The following FIGN variants were observed in gnomAD, a reference collection of about 807,000 sequenced individuals.
FIGN encodes fidgetin, microtubule severing factor, also known as fidgetin.
A neutral mutation model predicts 51.3 loss-of-function variants in FIGN; 11 were observed. That is an observed-to-expected ratio of 0.21 (90% CI 0.13 to 0.35). The LOEUF is 0.35. Among genes scored for constraint, FIGN ranks in the 10% least tolerant of loss-of-function variants. FIGN has a pLI of 1.00. For missense variants in FIGN, 857 were observed against 943.6 expected, an observed-to-expected ratio of 0.91 and a Z score of 1.20; for synonymous variants, 407 against 363.2, an observed-to-expected ratio of 1.12 and a Z score of -1.37.
chr2:163,668,021 C>CCG (rs1553498971), intron 2 of FIGN, among the ~76,000 whole-genome samples: 35 of 149,652 alleles, frequency 2.3e-4, no homozygotes, highest in African/African-American at 8.3e-4. Context: ...CCAACCCCCC[C>CCG]CCCCAAAAAA....
intron 2 of FIGN, among the ~76,000 whole-genome samples, chr2:163,697,257 C>T (rs1301513516): frequency 3.3e-5 from 5 of 151,766 alleles, no homozygotes; most frequent in African/African-American, 9.7e-5. Context: ...TGAACCACCA[C>T]ACCCAGCTAA....
chr2:163,648,230 A>G (rs938180674), intron 2 of FIGN, among the ~76,000 whole-genome samples: 2 of 152,136 alleles, frequency 1.3e-5, no homozygotes, highest in Admixed American at 6.5e-5. Context: ...GAATTAAAAT[A>G]CAGTACAATT....
chr2:163,645,050 A>G (rs1248452776), intron 2 of FIGN, among the ~76,000 whole-genome samples: 1 of 152,192 alleles, frequency 6.6e-6, no homozygotes, highest in Non-Finnish European at 1.5e-5. Context: ...GAAACTATTG[A>G]ACTGTACACT....
At chr2:163,660,892 T>A (rs1460678458) in intron 2 of FIGN, among the ~76,000 whole-genome samples, 4 of 93,822 alleles carry the variant, frequency 4.3e-5, no homozygotes, top group South Asian at 3.3e-4. Context: ...TTTTTTTTTT[T>A]TTTTTTTTTT....
In FIGN at chr2:163,611,163, T is replaced by C. The variant is rs562275345; in HGVS notation, c.669A>G (p.Pro223=). ...PLHSSGLLQP[P]PPPPPPPALV... ...AGGCTGGTGGCGGAGGAGGTGGTGG[T>C]GGGGGCTGTAGTAGCCCAGAGCTAT... Residue 223 remains proline (P), a synonymous_variant, in exon 3 of 3, where the codon CCA becomes CCG. Transcript: ENST00000333129. 1 of 1,613,994 alleles carries C rather than the reference T, an allele frequency of 6.2e-7. No individual in the cohort carries two copies. The highest frequency in any genetic ancestry group is 1.6e-4 in the Middle Eastern group (1 of 6,062).
intron 2 of FIGN, among the ~76,000 whole-genome samples, chr2:163,686,349 T>G (rs920263751): frequency 6.6e-6 from 1 of 152,214 alleles, no homozygotes; most frequent in Non-Finnish European, 1.5e-5. Context: ...ATTGCCATAA[T>G]GTTGATTAAA....
At chr2:163,712,150 G>C (rs1684597164) in intron 2 of FIGN, among the ~76,000 whole-genome samples, 1 of 152,092 alleles carries the variant, frequency 6.6e-6, no homozygotes, top group Non-Finnish European at 1.5e-5. Flanking sequence ...TATTTCACAA[G>C]TGAGATGGGA....
At position 163,705,300 on chromosome 2, in the gene FIGN, C is replaced by A. The variant is rs187977584; in HGVS notation, c.25+29603G>T. ...CACTCTTCGTTGCACAGCTGATACC[C>A]ACCAGAAAAGCTGAGTAGCACAATC... is the stretch of plus-strand genomic sequence containing the variant. On this transcript the variant is annotated intron_variant, in intron 2 of 2. Coordinates refer to ENST00000333129, the MANE Select transcript of FIGN (RefSeq NM_018086.4). Among the ~76,000 whole-genome samples the A allele has an allele frequency of 7.9e-5, 12 of 152,250 alleles. No homozygotes were observed. The East Asian group carries it at 2.3e-3, about 29-fold the overall frequency.
rs1435861409 is a variant in FIGN, at chr2:163,646,876, GC to G, written c.26-35071del. Among the ~76,000 whole-genome samples, 2 of 152,182 alleles carry G rather than the reference GC, an allele frequency of 1.3e-5. 1 individual carries two copies. On this transcript the variant is annotated intron_variant, in intron 2 of 2. Coordinates refer to ENST00000333129, the MANE Select transcript of FIGN (RefSeq NM_018086.4). ...GATAGGCTTGGTGACACAATAGAAT[GC>G]AACTCATTGAAGAAGTGTAATTATA...
intron 2 of FIGN, among the ~76,000 whole-genome samples, chr2:163,669,297 A>T (rs1016130992): frequency 2.0e-5 from 3 of 152,080 alleles, no homozygotes; most frequent in Non-Finnish European, 2.9e-5. Context: ...TGCAGCCTTC[A>T]ACCTCTCAGG....
At chr2:163,705,466 G>T (rs1446882723) in intron 2 of FIGN, among the ~76,000 whole-genome samples, 1 of 151,950 alleles carries the variant, frequency 6.6e-6, no homozygotes, top group Non-Finnish European at 1.5e-5. Flanking sequence ...GACCCAGAGA[G>T]GTTGTGTTTT....
chr2:163,628,475 G>A (rs1163575854), intron 2 of FIGN, among the ~76,000 whole-genome samples: 1 of 152,144 alleles, frequency 6.6e-6, no homozygotes, highest in Non-Finnish European at 1.5e-5. Flanking sequence ...AGGTACATAC[G>A]AAGCTTGAAT....
At chr2:163,612,650 T>A (rs1252728142) in intron 2 of FIGN, 33 of 980,720 alleles carry the variant, frequency 3.4e-5, no homozygotes, top group Non-Finnish European at 3.9e-5. Context: ...TCTCTTATAA[T>A]CCCTCCTCCC....
rs1329168576 is a variant in FIGN, at chr2:163,660,889, T to A, written c.26-49083A>T. ...TATATATATATATATATTTTTTTTT[T>A]TTTTTTTTTTTTTTTTGAGATGGAG... On this transcript the variant is annotated intron_variant, in intron 2 of 2. Transcript: ENST00000333129. Among the ~76,000 whole-genome samples, 25 of 22,588 alleles carry A rather than the reference T, an allele frequency of 1.1e-3. 6 individuals are homozygous for A. The highest frequency in any genetic ancestry group is 3.4e-3 in the East Asian group (3 of 874). The allele number at this position is 22,588 out of a possible 152,430, so 14.8% of individuals were successfully genotyped here. A position where few individuals can be genotyped will look rare whatever the true frequency, so the allele number is the denominator to read the frequency against.
At chr2:163,648,279 G>A (rs545112146) in intron 2 of FIGN, among the ~76,000 whole-genome samples, 1 of 152,080 alleles carries the variant, frequency 6.6e-6, no homozygotes, top group South Asian at 2.1e-4. Flanking sequence ...TCTGTTTTGG[G>A]CCCCCATCCC....
At chr2:163,685,455 T>A (rs1345047648) in intron 2 of FIGN, among the ~76,000 whole-genome samples, 1 of 152,206 alleles carries the variant, frequency 6.6e-6, no homozygotes, top group African/African-American at 2.4e-5. Context: ...AATACATGTT[T>A]GGCCGTGTTC....
intron 2 of FIGN, among the ~76,000 whole-genome samples, chr2:163,721,002 G>A (rs728699): frequency 0.6 from 91,612 of 151,932 alleles, 28,694 homozygotes; most frequent in Admixed American, 0.71. Context: ...AAAAAGAAAG[G>A]GAAGGAAGGA....
At position 163,694,238 on chromosome 2, in the gene FIGN, AT is replaced by A. The variant is rs559892217; in HGVS notation, c.25+40664del. On this transcript the variant is annotated intron_variant, in intron 2 of 2. Transcript: ENST00000333129. ...TTTGCCCCCACCAACTTGGGATAGAATTTTTTACAAATGACAAGGGAGAATA... is the reference window on the plus strand; with the variant it reads ...TTTGCCCCCACCAACTTGGGATAGAATTTTTACAAATGACAAGGGAGAATA... 3.9e-4 allele frequency among the ~76,000 whole-genome samples: 60 copies of A among 152,286 alleles called. No individual in the cohort carries two copies. In the South Asian group the frequency reaches 8.7e-3, roughly 22 times the overall value.
chr2:163,676,486 T>C (rs1246814165), intron 2 of FIGN, among the ~76,000 whole-genome samples: 1 of 94,230 alleles, frequency 1.1e-5, no homozygotes, highest in African/African-American at 3.2e-5. Flanking sequence ...TATATATAAC[T>C]AGAGTCTGTG....
Sources: gnomAD v4.1 joint callset for allele counts (sites outside exome capture counted in the v4.1 genomes callset) on GRCh38, gnomAD v4.1.1 for gene constraint, MANE v1.5 for transcripts, NCBI Gene and HGNC (gene_info 2026-07-23, HGNC 2026-07-21) for gene names.